NLGN1: variants seen among roughly 807,000 people sequenced by gnomAD.
NLGN1 encodes the protein neuroligin-1.
In NLGN1, 12 loss-of-function variants were observed where a neutral mutation model predicts 65.5. The observed-to-expected ratio is 0.18, with a 90% CI of 0.12 to 0.30. The LOEUF (loss-of-function observed/expected upper bound fraction) is 0.30, where lower values mean the gene tolerates loss of function less well. NLGN1 is among the 10% of genes least tolerant of loss of function. The pLI is 1.00. For synonymous variants in NLGN1, 350 were observed against 359.5 expected, an observed-to-expected ratio of 0.97 and a Z score of 0.30; for missense variants, 750 against 1,007.1, an observed-to-expected ratio of 0.74 and a Z score of 3.46.
At chr3:173,887,729 C>T (rs931896643) in intron 4 of NLGN1, among the ~76,000 whole-genome samples, 3 of 148,872 alleles carry the variant, frequency 2.0e-5, no homozygotes, top group Non-Finnish European at 4.4e-5. Context: ...ACTAGTAAAA[C>T]AGTTTTTGCT....
chr3:173,984,177 C>T (rs1719393217), intron 4 of NLGN1, among the ~76,000 whole-genome samples: 2 of 152,156 alleles, frequency 1.3e-5, no homozygotes, highest in Non-Finnish European at 2.9e-5. Context: ...ATCAAGAAAC[C>T]CTGTGACAAT....
intron 2 of NLGN1, among the ~76,000 whole-genome samples, chr3:173,520,987 G>A (rs1198675761): frequency 6.6e-6 from 1 of 152,182 alleles, no homozygotes; most frequent in Admixed American, 6.5e-5. Flanking sequence ...AGGCTGGATA[G>A]TGTTCAGTGT....
At chr3:173,637,534 G>A (rs962579413) in intron 3 of NLGN1, among the ~76,000 whole-genome samples, 6 of 151,960 alleles carry the variant, frequency 3.9e-5, no homozygotes, top group South Asian at 4.1e-4. Flanking sequence ...TAGTCAAATG[G>A]CAGCATGCTT....
chr3:174,236,646 T>C (rs529552820), intron 4 of NLGN1, among the ~76,000 whole-genome samples: 13 of 152,242 alleles, frequency 8.5e-5, no homozygotes, highest in Non-Finnish European at 1.5e-4. Context: ...TGTCCATTCA[T>C]TGATTTTTAC....
At chr3:173,678,684 G>T (rs568099667) in intron 3 of NLGN1, among the ~76,000 whole-genome samples, 178 of 152,184 alleles carry the variant, frequency 1.2e-3, no homozygotes, top group African/African-American at 3.5e-3. Context: ...TACCCTAGGG[G>T]TTAGTATTTT....
chr3:173,891,901 A>G (rs926925016), intron 4 of NLGN1, among the ~76,000 whole-genome samples: 4 of 150,058 alleles, frequency 2.7e-5, no homozygotes, highest in Admixed American at 2.0e-4. Flanking sequence ...GCGGTGAGTA[A>G]TAAATACTTG....
At chr3:173,999,236 C>G (rs769354360) in intron 4 of NLGN1, among the ~76,000 whole-genome samples, 2 of 152,040 alleles carry the variant, frequency 1.3e-5, no homozygotes, top group Non-Finnish European at 2.9e-5. Flanking sequence ...CTTATATTCT[C>G]ATAATAGAAG....
chr3:173,835,119 C>T (rs1339100132), intron 4 of NLGN1, among the ~76,000 whole-genome samples: 1 of 152,126 alleles, frequency 6.6e-6, no homozygotes, highest in Non-Finnish European at 1.5e-5. Context: ...TTTCTTTTGT[C>T]TCTTTGTACA....
intron 4 of NLGN1, among the ~76,000 whole-genome samples, chr3:173,828,871 T>C (rs932207123): frequency 1.8e-4 from 27 of 152,072 alleles, no homozygotes; most frequent in African/African-American, 6.3e-4. Context: ...AGATAAACCA[T>C]GAGAGTAGGG....
chr3:173,838,838 G>C (rs1724188680), intron 4 of NLGN1, among the ~76,000 whole-genome samples: 1 of 152,186 alleles, frequency 6.6e-6, no homozygotes. Flanking sequence ...TTTGGATCCT[G>C]AGAATGTGTG....
In NLGN1 at chr3:173,820,358, G is replaced by A. The variant is rs147573816; in HGVS notation, c.646+12526G>A. On this transcript the variant is annotated intron_variant, in intron 4 of 6. Transcript: ENST00000457714. ...TATTTCTACATTTCCCATATTATTTGCATTCTTCTGGTTCCTGCTCAGCAT... is the reference window on the plus strand; with the variant it reads ...TATTTCTACATTTCCCATATTATTTACATTCTTCTGGTTCCTGCTCAGCAT... Among the ~76,000 whole-genome samples, 113 of 152,106 alleles carry A rather than the reference G, an allele frequency of 7.4e-4. No homozygotes were observed. In the East Asian group the frequency reaches 0.02, roughly 27 times the overall value.
intron 4 of NLGN1, among the ~76,000 whole-genome samples, chr3:173,836,210 G>T (rs1245572287): frequency 6.6e-6 from 1 of 152,088 alleles, no homozygotes; most frequent in African/African-American, 2.4e-5. Flanking sequence ...ACTTTATGAT[G>T]CCTAGTATAT....
At chr3:174,270,921 T>C (rs1000323279) in intron 4 of NLGN1, among the ~76,000 whole-genome samples, 1 of 151,840 alleles carries the variant, frequency 6.6e-6, no homozygotes, top group African/African-American at 2.4e-5. Context: ...TTCCGATCCA[T>C]ATTCCCAAGT....
At chr3:173,835,584 C>CACACACACAT (rs1432789073) in intron 4 of NLGN1, among the ~76,000 whole-genome samples, 1 of 145,428 alleles carries the variant, frequency 6.9e-6, no homozygotes, top group African/African-American at 2.8e-5. Context: ...AACACATACA[C>CACACACACAT]ACACACACAC....
intron 4 of NLGN1, among the ~76,000 whole-genome samples, chr3:174,220,565 G>A (rs989972095): frequency 6.6e-6 from 1 of 151,952 alleles, no homozygotes; most frequent in Non-Finnish European, 1.5e-5. Flanking sequence ...TAATGAATTG[G>A]GCATGTGAAA....
chr3:174,004,912 T>A (rs747282837), intron 4 of NLGN1, among the ~76,000 whole-genome samples: 144 of 152,138 alleles, frequency 9.5e-4, no homozygotes, highest in Admixed American at 2.2e-3. Flanking sequence ...TTTATTTAAT[T>A]AACTTCTGAT....
chr3:173,514,919 A>T lies in NLGN1; in HGVS notation c.-321+79841A>T, dbSNP rs369676290. On this transcript the variant is annotated intron_variant, in intron 2 of 6. Coordinates refer to ENST00000457714, the Ensembl canonical transcript of NLGN1. ...TTTATGCATTTATATGTTGATAGACATCTAGATTGTTTTACATTTGGCTAT... is the reference window on the plus strand; with the variant it reads ...TTTATGCATTTATATGTTGATAGACTTCTAGATTGTTTTACATTTGGCTAT... Among the ~76,000 whole-genome samples, 10 of 152,344 alleles carry T rather than the reference A, an allele frequency of 6.6e-5. 1 individual carries two copies. Among genetic ancestry groups the T allele is most frequent in the African/African-American group, 2.4e-4 (10 of 41,592 alleles).
chr3:174,171,242 GGTT>G (rs1407106222), intron 4 of NLGN1, among the ~76,000 whole-genome samples: 4 of 151,976 alleles, frequency 2.6e-5, no homozygotes, highest in African/African-American at 7.2e-5. Context: ...GTGTCTAATT[GGTT>G]GTTATTAGAG....
intron 3 of NLGN1, among the ~76,000 whole-genome samples, chr3:173,717,969 C>T (rs569115500): frequency 7.9e-5 from 12 of 152,206 alleles, no homozygotes; most frequent in African/African-American, 2.9e-4. Context: ...CATTTTCAAA[C>T]ATTTGAGAAT....
Sources: allele counts gnomAD v4.1 joint callset (sites outside exome capture counted in the v4.1 genomes callset), GRCh38; gene constraint gnomAD v4.1.1; transcripts MANE v1.5; gene names NCBI Gene and HGNC (gene_info 2026-07-23, HGNC 2026-07-21).